The following PBX3 variants were observed in gnomAD, a reference collection of about 807,000 sequenced individuals.
PBX3 encodes PBX homeobox 3.
Under a neutral mutation model 48.5 loss-of-function variants are expected in PBX3, and 14 were observed. The observed-to-expected ratio is 0.29, with a 90% CI of 0.19 to 0.45. The LOEUF is 0.45. Ranked by LOEUF, PBX3 falls within the 20% of genes least tolerant of loss-of-function variation. The pLI, the probability that PBX3 is intolerant of heterozygous loss-of-function variation, is 1.00. For missense variants in PBX3, 386 were observed against 546.7 expected, an observed-to-expected ratio of 0.71 and a Z score of 2.93; for synonymous variants, 210 against 200.3, an observed-to-expected ratio of 1.05 and a Z score of -0.41.
At chr9:125,955,449 G>C (rs1842285303) in intron 5 of PBX3, among the ~76,000 whole-genome samples, 1 of 152,074 alleles carries the variant, frequency 6.6e-6, no homozygotes, top group South Asian at 2.1e-4. Flanking sequence ...TCTTCCCTCT[G>C]TCACTATAAA....
At chr9:125,771,995 G>T (rs1317975301) in intron 2 of PBX3, among the ~76,000 whole-genome samples, 1 of 152,134 alleles carries the variant, frequency 6.6e-6, no homozygotes, top group Non-Finnish European at 1.5e-5. Context: ...TTATGTTATG[G>T]CAGGCAGTGG....
intron 2 of PBX3, among the ~76,000 whole-genome samples, chr9:125,877,152 C>G (rs745621705): frequency 1.4e-4 from 22 of 152,202 alleles, no homozygotes; most frequent in Non-Finnish European, 1.0e-4. Context: ...CCCCTAGAGG[C>G]ACACACAGAT....
chr9:125,760,238 A>G (rs1174008156), intron 2 of PBX3, among the ~76,000 whole-genome samples: 1 of 152,196 alleles, frequency 6.6e-6, no homozygotes, highest in East Asian at 1.9e-4. Context: ...TTAAAATAGA[A>G]AAAAAGTCAT....
At position 125,923,747 on chromosome 9, in the gene PBX3, C is replaced by T. The variant is rs116171293; in HGVS notation, c.517-5908C>T. ...TGCCCAGCTAATTTTTAATAATTTCCTGTAGAGATGGGGTCTCACTGTTGC... is the reference window on the plus strand; with the variant it reads ...TGCCCAGCTAATTTTTAATAATTTCTTGTAGAGATGGGGTCTCACTGTTGC... On this transcript the variant is annotated intron_variant, in intron 3 of 8. Transcript: ENST00000373489. Among the ~76,000 whole-genome samples the T allele has an allele frequency of 2.9e-3, 436 of 151,522 alleles. 2 individuals carry two copies. Among genetic ancestry groups the T allele is most frequent in the African/African-American group, 0.01 (414 of 41,254 alleles).
intron 2 of PBX3, among the ~76,000 whole-genome samples, chr9:125,807,657 G>A (rs1838166194): frequency 6.6e-6 from 1 of 152,010 alleles, no homozygotes; most frequent in Non-Finnish European, 1.5e-5. Context: ...TACCTGGTTA[G>A]CCCTTAATAG....
intron 2 of PBX3, among the ~76,000 whole-genome samples, chr9:125,860,884 C>CAAAA (rs58796485): frequency 1.0e-5 from 1 of 99,122 alleles, no homozygotes; most frequent in Non-Finnish European, 2.1e-5. Context: ...AAGACTCTGT[C>CAAAA]AAAAAAAAAA....
intron 2 of PBX3, among the ~76,000 whole-genome samples, chr9:125,792,601 C>T (rs1016808705): frequency 6.6e-6 from 1 of 151,954 alleles, no homozygotes; most frequent in Non-Finnish European, 1.5e-5. Context: ...AGTGGTTTCC[C>T]ATTGAGAATT....
At chr9:125,899,330 T>C (rs7849005) in intron 2 of PBX3, among the ~76,000 whole-genome samples, 1 of 91,312 alleles carries the variant, frequency 1.1e-5, no homozygotes, top group Admixed American at 1.3e-4. Flanking sequence ...TTTATATAAA[T>C]ATATACATAT....
chr9:125,926,695 C>T (rs1588303632), intron 3 of PBX3, among the ~76,000 whole-genome samples: 1 of 152,170 alleles, frequency 6.6e-6, no homozygotes, highest in Non-Finnish European at 1.5e-5. Context: ...TGGCACACGC[C>T]TGTAATCCCA....
At chr9:125,803,361 T>C (rs909041672) in intron 2 of PBX3, among the ~76,000 whole-genome samples, 2 of 152,182 alleles carry the variant, frequency 1.3e-5, no homozygotes, top group African/African-American at 2.4e-5. Context: ...GTGCTGGGAT[T>C]ACAGGCATGA....
rs553811088 is a variant in PBX3, at chr9:125,830,105, T to G, written c.274+81482T>G. ...AAAAATTTATCAGTTGTCTCAGCACTGTAGAGTTCAGTATAATTTTTTATT... is the reference window on the plus strand; with the variant it reads ...AAAAATTTATCAGTTGTCTCAGCACGGTAGAGTTCAGTATAATTTTTTATT... On this transcript the variant is annotated intron_variant, in intron 2 of 8. Coordinates refer to ENST00000373489, the MANE Select transcript of PBX3 (RefSeq NM_006195.6). Among the ~76,000 whole-genome samples, 5 of 152,332 alleles carry G rather than the reference T, an allele frequency of 3.3e-5. No homozygotes were observed. In the South Asian group the frequency reaches 1.0e-3, roughly 32 times the overall value.
At chr9:125,935,334 TA>T in intron 4 of PBX3, 137 bp from the exon 5 acceptor site, 1 of 703,090 alleles carries the variant, frequency 1.4e-6, no homozygotes, top group Non-Finnish European at 2.4e-6. Flanking sequence ...ACATAACGTA[TA>T]ATATCACAGA....
chr9:125,759,421 T>A lies in PBX3; in HGVS notation c.274+10798T>A, dbSNP rs1463271170. 6.6e-6 allele frequency among the ~76,000 whole-genome samples: 1 copy of A among 152,208 alleles called. No homozygotes were observed. ...GTTTCACTGGCACTGCCAAATGTACTTCCTATTTGTTGTGCAAGGGAATTG... is the reference window on the plus strand; with the variant it reads ...GTTTCACTGGCACTGCCAAATGTACATCCTATTTGTTGTGCAAGGGAATTG... On this transcript the variant is annotated intron_variant, in intron 2 of 8. Coordinates refer to ENST00000373489, the MANE Select transcript of PBX3 (RefSeq NM_006195.6). The surrounding 1 kb of genome is among the most constrained non-coding windows in gnomAD (Gnocchi z 4.2).
chr9:125,845,127 G>T (rs1839394328), intron 2 of PBX3: 1 of 151,978 alleles, frequency 6.6e-6, no homozygotes, highest in South Asian at 2.1e-4. Context: ...CTTTTGAAGG[G>T]ATTGCTATGT....
chr9:125,927,906 C>T (rs546312340), intron 3 of PBX3, among the ~76,000 whole-genome samples: 41 of 152,114 alleles, frequency 2.7e-4, no homozygotes, highest in African/African-American at 9.4e-4. Flanking sequence ...GGGGGCCAGG[C>T]GCAGTGGCTC....
intron 2 of PBX3, among the ~76,000 whole-genome samples, chr9:125,760,403 GT>G (rs923981853): frequency 3.5e-4 from 51 of 147,678 alleles, no homozygotes; most frequent in South Asian, 3.2e-3. Flanking sequence ...TTAGTCTTAG[GT>G]TTTTTTTTTG....
chr9:125,779,686 G>A (rs1837188098), intron 2 of PBX3, among the ~76,000 whole-genome samples: 1 of 140,746 alleles, frequency 7.1e-6, no homozygotes, highest in African/African-American at 2.8e-5. Context: ...GCAACCATCC[G>A]ATTTCTCAAT....
chr9:125,951,848 AGT>A (rs1842202233), intron 5 of PBX3, among the ~76,000 whole-genome samples: 1 of 152,230 alleles, frequency 6.6e-6, no homozygotes. Context: ...GAATGCACAC[AGT>A]GTGTGTATCC....
At chr9:125,877,179 A>G (rs1401522707) in intron 2 of PBX3, among the ~76,000 whole-genome samples, 1 of 152,248 alleles carries the variant, frequency 6.6e-6, no homozygotes, top group African/African-American at 2.4e-5. Context: ...GGATTGGCAT[A>G]TAGAAGGTTT....
Sources: allele counts gnomAD v4.1 joint callset (sites outside exome capture counted in the v4.1 genomes callset), GRCh38; gene constraint gnomAD v4.1.1; non-coding constraint Gnocchi (gnomAD v3.1); transcripts MANE v1.5; gene names NCBI Gene and HGNC (gene_info 2026-07-23, HGNC 2026-07-21).